LARGE1: variants seen among roughly 807,000 people sequenced by gnomAD.
The protein encoded by LARGE1 is xylosyl- and glucuronyltransferase LARGE1.
Under a neutral mutation model 87.6 loss-of-function variants are expected in LARGE1, and 43 were observed. That is an observed-to-expected ratio of 0.49 (90% confidence interval 0.38 to 0.63). The LOEUF (loss-of-function observed/expected upper bound fraction) is 0.63. Ranked by LOEUF, LARGE1 falls within the 30% of genes least tolerant of loss-of-function variation. The probability of loss-of-function intolerance (pLI) is 0.00; values close to 1 mark genes in which losing one functional copy is unlikely to be tolerated. For synonymous variants in LARGE1, 434 were observed against 394.6 expected, an observed-to-expected ratio of 1.10 and a Z score of -1.18; for missense variants, 802 against 1,000.2, an observed-to-expected ratio of 0.80 and a Z score of 2.67.
the LARGE1 span, among the ~76,000 whole-genome samples, chr22:33,132,328 C>T: frequency 0.026 from 3,984 of 151,720 alleles, 177 homozygotes; most frequent in African/African-American, 0.092. Context: ...GGGCTACAGG[C>T]GTGCACCACC....
At chr22:33,477,665 C>T (rs139744574) in intron 6 of LARGE1, among the ~76,000 whole-genome samples, 4 of 152,294 alleles carry the variant, frequency 2.6e-5, no homozygotes, top group Non-Finnish European at 5.9e-5. Flanking sequence ...TCTTAGAGCT[C>T]AGCTGAGTAA....
At chr22:33,638,469 T>C (rs1602895800) in intron 3 of LARGE1, among the ~76,000 whole-genome samples, 2 of 151,312 alleles carry the variant, frequency 1.3e-5, no homozygotes. Context: ...GATCCCCATA[T>C]AATGACTGGT....
At chr22:33,235,598 G>C (rs932767975) in intron 11 of LARGE1, among the ~76,000 whole-genome samples, 2 of 152,212 alleles carry the variant, frequency 1.3e-5, no homozygotes, top group African/African-American at 4.8e-5. Context: ...GATGGTAGCT[G>C]TTATCTAGGA....
chr22:33,540,297 TC>T (rs1368088118), intron 6 of LARGE1, among the ~76,000 whole-genome samples: 1 of 151,982 alleles, frequency 6.6e-6, no homozygotes, highest in African/African-American at 2.4e-5. Flanking sequence ...CCTTGCCAAG[TC>T]CCCCCCTGTG....
intron 11 of LARGE1, among the ~76,000 whole-genome samples, chr22:33,204,054 G>A (rs1924562401): frequency 6.6e-6 from 1 of 152,152 alleles, no homozygotes; most frequent in Admixed American, 6.5e-5. Flanking sequence ...ATGAATGAAT[G>A]AGTGGATGGA....
chr22:33,520,370 C>G (rs2071522769), intron 6 of LARGE1, among the ~76,000 whole-genome samples: 1 of 152,166 alleles, frequency 6.6e-6, no homozygotes, highest in African/African-American at 2.4e-5. Flanking sequence ...GCCACTGTGT[C>G]TGGCCTCAGT....
intron 6 of LARGE1, among the ~76,000 whole-genome samples, chr22:33,563,712 C>T (rs1315924809): frequency 1.3e-5 from 2 of 152,148 alleles, no homozygotes; most frequent in African/African-American, 4.8e-5. Flanking sequence ...GAGAGCTGTG[C>T]CATACTCAAT....
At chr22:33,777,321 C>A (rs1336125803) in intron 1 of LARGE1, among the ~76,000 whole-genome samples, 20 of 152,008 alleles carry the variant, frequency 1.3e-4, no homozygotes, top group Admixed American at 1.2e-3. Flanking sequence ...GATTTCCGAG[C>A]AGGAATGATG....
intron 2 of LARGE1, among the ~76,000 whole-genome samples, chr22:33,664,977 C>T (rs1367837480): frequency 1.3e-5 from 2 of 152,200 alleles, no homozygotes; most frequent in African/African-American, 4.8e-5. Flanking sequence ...TCTTTCCGAC[C>T]TCAAAATGCT....
intron 6 of LARGE1, among the ~76,000 whole-genome samples, chr22:33,479,277 CTTG>C (rs1038679197): frequency 4.6e-5 from 7 of 152,180 alleles, no homozygotes; most frequent in African/African-American, 1.7e-4. Flanking sequence ...GGAACATGGT[CTTG>C]TTTATTGGTA....
chr22:33,588,984 T>A (rs566754493), intron 5 of LARGE1, among the ~76,000 whole-genome samples: 4 of 152,200 alleles, frequency 2.6e-5, no homozygotes, highest in Non-Finnish European at 5.9e-5. Flanking sequence ...ATGCAGAATT[T>A]AATTCAAAGT....
chr22:33,682,476 T>C (rs1441543803), intron 2 of LARGE1, among the ~76,000 whole-genome samples: 1 of 152,228 alleles, frequency 6.6e-6, no homozygotes, highest in Non-Finnish European at 1.5e-5. Flanking sequence ...TGGGAAATTC[T>C]TACTCAACTC....
intron 2 of LARGE1, among the ~76,000 whole-genome samples, chr22:33,682,889 A>G (rs2081824692): frequency 6.6e-6 from 1 of 152,236 alleles, no homozygotes; most frequent in Non-Finnish European, 1.5e-5. Context: ...GGTAGGGAAC[A>G]AAGCCAGTGG....
chr22:33,917,264 C>G (rs1223421814), intron 1 of LARGE1, among the ~76,000 whole-genome samples: 1 of 152,198 alleles, frequency 6.6e-6, no homozygotes, highest in African/African-American at 2.4e-5. Context: ...TGTCTCCCCG[C>G]TACTCCCACC....
chr22:33,658,754 G>A (rs2081041451), intron 2 of LARGE1, among the ~76,000 whole-genome samples: 1 of 152,130 alleles, frequency 6.6e-6, no homozygotes, highest in Non-Finnish European at 1.5e-5. Flanking sequence ...ACATATGTGT[G>A]CATGTATCTT....
Position 33,720,523 on chromosome 22 carries a change from G to A in LARGE1, c.106+40848C>T, listed in dbSNP as rs182475459. On this transcript the variant is annotated intron_variant, in intron 2 of 14. Transcript: ENST00000397394. Reference sequence around the variant, plus strand: ...TATAACAACAAAATTGCCTAACAACGCATTTCTCAGAATGTATCCCAGTCA... The same window carrying A: ...TATAACAACAAAATTGCCTAACAACACATTTCTCAGAATGTATCCCAGTCA... Among the ~76,000 whole-genome samples, 77 of 152,218 alleles carry A rather than the reference G, an allele frequency of 5.1e-4. 1 individual carries two copies. The highest frequency in any genetic ancestry group is 7.9e-4 in the Non-Finnish European group (54 of 68,020).
At chr22:33,453,882 GA>G (rs1340312092) in intron 6 of LARGE1, among the ~76,000 whole-genome samples, 2 of 152,180 alleles carry the variant, frequency 1.3e-5, no homozygotes, top group African/African-American at 4.8e-5. Flanking sequence ...ACATCTACCA[GA>G]GGCTGTTTTA....
intron 3 of LARGE1, among the ~76,000 whole-genome samples, chr22:33,642,425 A>T (rs1369069838): frequency 6.6e-6 from 1 of 152,196 alleles, no homozygotes; most frequent in Non-Finnish European, 1.5e-5. Context: ...CAGCCACTGC[A>T]AAAACATACC....
Position 33,636,382 on chromosome 22 carries a change from G to A in LARGE1, c.409-10056C>T, listed in dbSNP as rs377628927. On this transcript the variant is annotated intron_variant, in intron 3 of 14. Transcript: ENST00000397394. Reference sequence around the variant, plus strand: ...GCGCCATGTTATGGTCATGCTAGATGACTCATCAAGCTTTCTTGTTTTTAG... The same window carrying A: ...GCGCCATGTTATGGTCATGCTAGATAACTCATCAAGCTTTCTTGTTTTTAG... Among the ~76,000 whole-genome samples, 50 of 152,238 alleles carry A rather than the reference G, an allele frequency of 3.3e-4. 3 individuals are homozygous for A. In the East Asian group the frequency reaches 3.5e-3, roughly 11 times the overall value.
Sources: gnomAD v4.1 joint callset for allele counts (sites outside exome capture counted in the v4.1 genomes callset) on GRCh38, gnomAD v4.1.1 for gene constraint, MANE v1.5 for transcripts, NCBI Gene and HGNC (gene_info 2026-07-23, HGNC 2026-07-21) for gene names.